Variants in SOX6 observed in about 807,000 individuals in gnomAD.
SOX6 encodes the protein SRY-box transcription factor 6, also known as transcription factor SOX-6.
A neutral mutation model predicts 97.8 loss-of-function variants in SOX6; 11 were observed. The observed-to-expected ratio is 0.11, with a 90% confidence interval of 0.07 to 0.19. SOX6 has a LOEUF of 0.19. Among genes scored for constraint, SOX6 ranks in the 10% least tolerant of loss-of-function variants. SOX6 has a pLI of 1.00. For missense variants in SOX6, 810 were observed against 1,039.5 expected (o/e 0.78, Z 3.04); for synonymous variants, 360 against 371.4 (o/e 0.97, Z 0.35).
At chr11:16,433,240 C>A (rs575660126) in intron 1 of SOX6, among the ~76,000 whole-genome samples, 1 of 152,046 alleles carries the variant, frequency 6.6e-6, no homozygotes, top group African/African-American at 2.4e-5. Flanking sequence ...CACATCCATT[C>A]GTTATTTTTC....
At chr11:16,542,215 C>T (rs1201182995) in intron 4 of SOX6, among the ~76,000 whole-genome samples, 3 of 152,186 alleles carry the variant, frequency 2.0e-5, no homozygotes, top group East Asian at 3.9e-4. Context: ...ATCACAAGGA[C>T]AGAAAACCAA....
At chr11:16,237,399 T>C (rs1853057305) in intron 3 of SOX6, among the ~76,000 whole-genome samples, 1 of 152,010 alleles carries the variant, frequency 6.6e-6, no homozygotes, top group Non-Finnish European at 1.5e-5. Flanking sequence ...CAAATAAAAT[T>C]TATGTTTTCA....
At chr11:16,260,339 A>G (rs1396679514) in intron 3 of SOX6, among the ~76,000 whole-genome samples, 1 of 152,186 alleles carries the variant, frequency 6.6e-6, no homozygotes, top group African/African-American at 2.4e-5. Context: ...ACTATTCTTT[A>G]TTTACACAAA....
intron 3 of SOX6, among the ~76,000 whole-genome samples, chr11:16,683,024 C>G (rs1169166835): frequency 6.6e-6 from 1 of 152,180 alleles, no homozygotes; most frequent in Non-Finnish European, 1.5e-5. Context: ...ATCCAACTTA[C>G]AAGGGATGTG....
At chr11:16,174,182 G>T (rs2134088281) in intron 6 of SOX6, among the ~76,000 whole-genome samples, 1 of 151,876 alleles carries the variant, frequency 6.6e-6, no homozygotes, top group African/African-American at 2.4e-5. Context: ...TTTAAACACA[G>T]TTGAAGTTAT....
intron 4 of SOX6, among the ~76,000 whole-genome samples, chr11:16,580,838 T>G (rs573466718): frequency 6.6e-6 from 1 of 152,044 alleles, no homozygotes; most frequent in Non-Finnish European, 1.5e-5. Flanking sequence ...CAACAACATA[T>G]GAAAAAAAGC....
chr11:16,514,514 T>C (rs1035630179), intron 4 of SOX6, among the ~76,000 whole-genome samples: 4 of 152,216 alleles, frequency 2.6e-5, no homozygotes, highest in African/African-American at 7.2e-5. Context: ...ATAAAATAGA[T>C]AATATATAAT....
chr11:16,362,870 G>C (rs766040395), intron 1 of SOX6, among the ~76,000 whole-genome samples: 2 of 152,150 alleles, frequency 1.3e-5, no homozygotes, highest in African/African-American at 2.4e-5. Context: ...CTTCATTGCA[G>C]AGGCAGCCAC....
chr11:16,046,807 G>A (rs1247032482), intron 11 of SOX6, 106 bp from the exon 12 acceptor site: 1 of 1,160,120 alleles, frequency 8.6e-7, no homozygotes, highest in Non-Finnish European at 1.3e-6. Flanking sequence ...AACAAGGAAG[G>A]GGTGCACATT....
intron 4 of SOX6, among the ~76,000 whole-genome samples, chr11:16,570,827 T>C (rs1847930778): frequency 6.6e-6 from 1 of 152,224 alleles, no homozygotes. Context: ...ATATGTACCC[T>C]GTTTGTAGAT....
Position 16,434,958 on chromosome 11 carries a change from A to C in SOX6, c.-5+41357T>G, listed in dbSNP as rs563776153. On this transcript the variant is annotated intron_variant, in intron 1 of 15. Coordinates refer to the SOX6 transcript ENST00000396356. ...TAATAACAGTCTAACTTAAATATTT[A>C]ACCAGCTGACATAAGTATACAACTA... Among the ~76,000 whole-genome samples the C allele has an allele frequency of 3.9e-5, 6 of 152,320 alleles. No homozygotes were observed. The East Asian group carries it at 1.2e-3, about 29-fold the overall frequency.
intron 3 of SOX6, among the ~76,000 whole-genome samples, chr11:16,655,144 A>G (rs1847705017): frequency 6.6e-6 from 1 of 152,206 alleles, no homozygotes; most frequent in Admixed American, 6.5e-5. Flanking sequence ...TTCCAGGCAC[A>G]TTGACGCTGG....
chr11:16,040,200 A>T (rs1242611249), intron 12 of SOX6, among the ~76,000 whole-genome samples: 1 of 152,068 alleles, frequency 6.6e-6, no homozygotes, highest in Non-Finnish European at 1.5e-5. Context: ...TTATTCCTAC[A>T]CCTACACCTA....
intron 3 of SOX6, among the ~76,000 whole-genome samples, chr11:16,634,618 GT>G (rs953640863): frequency 1.3e-5 from 2 of 151,918 alleles, no homozygotes; most frequent in Admixed American, 1.3e-4. Flanking sequence ...GATTATTAAG[GT>G]TTTTTATGTT....
At chr11:16,476,941 G>A (rs1310374137), upstream of SOX6, among the ~76,000 whole-genome samples, 1 of 152,116 alleles carries the variant, frequency 6.6e-6, no homozygotes, top group Non-Finnish European at 1.5e-5. Context: ...TTTAGTTCTG[G>A]CTGAAGAGGT....
chr11:16,377,084 G>A (rs1857663446), intron 1 of SOX6, among the ~76,000 whole-genome samples: 1 of 151,528 alleles, frequency 6.6e-6, no homozygotes, highest in Admixed American at 6.6e-5. Flanking sequence ...GTTGGCATTT[G>A]TTTCCCAACA....
At chr11:16,356,651 A>G (rs943956473), upstream of SOX6, among the ~76,000 whole-genome samples, 2 of 152,150 alleles carry the variant, frequency 1.3e-5, no homozygotes, top group Non-Finnish European at 2.9e-5. Context: ...TGTGAAAACA[A>G]TCAAGCATTG....
chr11:16,285,739 A>G (rs879317651), intron 3 of SOX6, among the ~76,000 whole-genome samples: 2 of 152,112 alleles, frequency 1.3e-5, no homozygotes, highest in Non-Finnish European at 2.9e-5. Context: ...ACAAAGACTC[A>G]GAGATACTTC....
At chr11:16,306,613 T>TTTTTTTTTTTTC (rs1192623464) in intron 3 of SOX6, among the ~76,000 whole-genome samples, 16,702 of 127,126 alleles carry the variant, frequency 0.13, 1,177 homozygotes, top group Admixed American at 0.2. Context: ...TCAAATTTCT[T>TTTTTTTTTTTTC]TTTTTTTTTT....
Sources: allele counts gnomAD v4.1 joint callset (sites outside exome capture counted in the v4.1 genomes callset), GRCh38; gene constraint gnomAD v4.1.1; transcripts MANE v1.5; gene names NCBI Gene and HGNC (gene_info 2026-07-23, HGNC 2026-07-21).